The following ENOX1 variants were observed in gnomAD, a reference collection of about 807,000 sequenced individuals.
ENOX1 encodes the protein candidate growth-related and time keeping constitutive hydroquinone (NADH) oxidase.
ENOX1 carries 42 observed loss-of-function variants against 82.5 expected under a neutral mutation model. The observed-to-expected ratio is 0.51, with a 90% CI of 0.40 to 0.66. The LOEUF is 0.66. Among genes scored for constraint, ENOX1 ranks in the 30% least tolerant of loss-of-function variants. The pLI is 0.00. For synonymous variants in ENOX1, 271 were observed against 282.2 expected (o/e 0.96, Z 0.40); for missense variants, 608 against 811.6 (o/e 0.75, Z 3.05).
intron 3 of ENOX1, among the ~76,000 whole-genome samples, chr13:43,423,628 G>A (rs2055109924): frequency 6.6e-6 from 1 of 152,156 alleles, no homozygotes; most frequent in South Asian, 2.1e-4. Context: ...TCTCTCTCCT[G>A]AGCACCTATC....
intron 3 of ENOX1, among the ~76,000 whole-genome samples, chr13:43,466,230 T>C (rs2057713496): frequency 6.6e-6 from 1 of 151,910 alleles, no homozygotes; most frequent in Non-Finnish European, 1.5e-5. Flanking sequence ...TATATGACGA[T>C]TCAATGGAAA....
rs936753373 is a variant in ENOX1, at chr13:43,733,483, C to T, written c.-285+53169G>A. ...AAGCATCAAAAGGCATTAGAGTAAGCCACATCGTATGAGGCGATTTATCCT... is the reference window on the plus strand; with the variant it reads ...AAGCATCAAAAGGCATTAGAGTAAGTCACATCGTATGAGGCGATTTATCCT... On this transcript the variant is annotated intron_variant, in intron 1 of 16. Coordinates refer to ENST00000690772, the MANE Select transcript of ENOX1 (RefSeq NM_001347969.2). Among the ~76,000 whole-genome samples the T allele has an allele frequency of 2.0e-5, 3 of 152,186 alleles. No individual in the cohort carries two copies. In the South Asian group the frequency reaches 6.2e-4, roughly 32 times the overall value.
intron 11 of ENOX1, among the ~76,000 whole-genome samples, chr13:43,314,509 G>C (rs763089150): frequency 2.2e-4 from 33 of 152,176 alleles, no homozygotes; most frequent in Non-Finnish European, 4.3e-4. Context: ...TAGGAGTCAA[G>C]GTATAATAGC....
At chr13:43,237,447 G>C (rs1308969319) in intron 14 of ENOX1, among the ~76,000 whole-genome samples, 1 of 152,160 alleles carries the variant, frequency 6.6e-6, no homozygotes, top group African/African-American at 2.4e-5. Flanking sequence ...TTAATGGAAA[G>C]TCAAATTAAT....
intron 1 of ENOX1, among the ~76,000 whole-genome samples, chr13:43,677,841 T>C (rs1566754409): frequency 6.6e-6 from 1 of 152,206 alleles, no homozygotes; most frequent in Admixed American, 6.5e-5. Flanking sequence ...GATCCTGTGG[T>C]TTCTAGAATA....
At chr13:43,354,136 A>C (rs1346584406) in intron 8 of ENOX1, among the ~76,000 whole-genome samples, 1 of 152,210 alleles carries the variant, frequency 6.6e-6, no homozygotes, top group Non-Finnish European at 1.5e-5. Flanking sequence ...TTGGATATTA[A>C]AGAAAAATTA....
intron 1 of ENOX1, among the ~76,000 whole-genome samples, chr13:43,678,266 T>C (rs9594999): frequency 0.088 from 13,339 of 152,134 alleles, 903 homozygotes; most frequent in African/African-American, 0.19. Context: ...TCTATAAAAC[T>C]CAAAAAAATT....
chr13:43,562,019 A>AC (rs2079698936), intron 2 of ENOX1, among the ~76,000 whole-genome samples: 1 of 151,472 alleles, frequency 6.6e-6, no homozygotes, highest in Non-Finnish European at 1.5e-5. Flanking sequence ...GAGGGAGGGA[A>AC]GGATGGAGAG....
intron 2 of ENOX1, among the ~76,000 whole-genome samples, chr13:43,642,519 A>G (rs1470389616): frequency 1.3e-5 from 2 of 152,234 alleles, no homozygotes; most frequent in African/African-American, 4.8e-5. Flanking sequence ...AATTTAGCTG[A>G]TAGGTGTCAC....
intron 3 of ENOX1, among the ~76,000 whole-genome samples, chr13:43,420,633 C>T (rs1166904898): frequency 4.6e-5 from 7 of 152,086 alleles, no homozygotes; most frequent in Admixed American, 4.6e-4. Flanking sequence ...CTTTGGTGCC[C>T]ACCCATGAAG....
intron 5 of ENOX1, among the ~76,000 whole-genome samples, chr13:43,400,885 T>C (rs776255792): frequency 1.6e-4 from 25 of 152,228 alleles, no homozygotes; most frequent in Non-Finnish European, 3.2e-4. Flanking sequence ...GACTTTGCTT[T>C]AATCATTTGC....
intron 3 of ENOX1, among the ~76,000 whole-genome samples, chr13:43,470,350 A>ATGTG (rs2057984239): frequency 2.5e-5 from 1 of 40,746 alleles, no homozygotes. Flanking sequence ...ACGTATATAT[A>ATGTG]TATGTATATA....
At chr13:43,510,634 C>A (rs1319464628) in intron 2 of ENOX1, among the ~76,000 whole-genome samples, 1 of 152,096 alleles carries the variant, frequency 6.6e-6, no homozygotes, top group Non-Finnish European at 1.5e-5. Flanking sequence ...TAATTAGACT[C>A]ATCTACGTGG....
Position 43,414,665 on chromosome 13 carries a change from C to A in ENOX1, c.-74-1677G>T, listed in dbSNP as rs112982954. On this transcript the variant is annotated intron_variant, in intron 3 of 16. Transcript: ENST00000690772. ...AGGCAGAGTCAGGCTAGAATGTGTTCATTCTTTTGTTCAAATGGCCCTGTA... is the reference window on the plus strand; with the variant it reads ...AGGCAGAGTCAGGCTAGAATGTGTTAATTCTTTTGTTCAAATGGCCCTGTA... Among the ~76,000 whole-genome samples the A allele has an allele frequency of 1.1e-3, 165 of 152,328 alleles. 2 individuals are homozygous for A. Among genetic ancestry groups the A allele is most frequent in the African/African-American group, 3.6e-3 (148 of 41,582 alleles).
At chr13:43,415,232 G>GTTTTTTTTTTTTTTTTTTTTTTTTT (rs71202260) in intron 3 of ENOX1, among the ~76,000 whole-genome samples, 1 of 54,634 alleles carries the variant, frequency 1.8e-5, no homozygotes, top group African/African-American at 7.4e-5. Flanking sequence ...CCAATCCAAT[G>GTTTTTTTTTTTTTTTTTTTTTTTTT]TTTTTTTTTT....
chr13:43,743,617 A>G (rs899570041), intron 1 of ENOX1, among the ~76,000 whole-genome samples: 10 of 152,188 alleles, frequency 6.6e-5, no homozygotes, highest in African/African-American at 2.4e-4. Context: ...AAGAGACTTG[A>G]TCTTCCTCCC....
intron 5 of ENOX1, among the ~76,000 whole-genome samples, chr13:43,384,408 C>T (rs1005246938): frequency 6.6e-6 from 1 of 152,108 alleles, no homozygotes. Context: ...TAATACCACC[C>T]ATTACTGAGT....
At chr13:43,344,485 A>C in intron 9 of ENOX1, 53 bp downstream of exon 9, 1 of 1,480,854 alleles carries the variant, frequency 6.8e-7, no homozygotes, top group Non-Finnish European at 9.3e-7. Context: ...AAATTAATAA[A>C]AAAGAAAAGG....
intron 2 of ENOX1, among the ~76,000 whole-genome samples, chr13:43,504,156 T>C (rs566244106): frequency 1.3e-5 from 2 of 151,732 alleles, no homozygotes; most frequent in South Asian, 2.1e-4. Flanking sequence ...TAGGCTATTA[T>C]AAAAAATAAA....
Sources: allele counts gnomAD v4.1 joint callset (sites outside exome capture counted in the v4.1 genomes callset), GRCh38; gene constraint gnomAD v4.1.1; transcripts MANE v1.5; gene names NCBI Gene and HGNC (gene_info 2026-07-23, HGNC 2026-07-21).